Variants in PROKR1 observed in about 807,000 individuals in gnomAD.
PROKR1 encodes prokineticin receptor 1.
A neutral mutation model predicts 22.8 loss-of-function variants in PROKR1; 21 were observed. The ratio of observed to expected loss-of-function variants is 0.92; its 90% confidence interval spans 0.65 to 1.32. The LOEUF is 1.32. PROKR1 is among the 40% of genes most tolerant of loss of function. The pLI is 0.00. For synonymous variants in PROKR1, 193 were observed against 207.5 expected, an observed-to-expected ratio of 0.93 and a Z score of 0.60; for missense variants, 548 against 514.2, an observed-to-expected ratio of 1.07 and a Z score of -0.64.
At chr2:68,653,773 T>C (rs1673385677) in intron 2 of PROKR1, among the ~76,000 whole-genome samples, 1 of 152,058 alleles carries the variant, frequency 6.6e-6, no homozygotes. Context: ...CAATGACTCA[T>C]TTCCCCCCTA....
Position 68,646,229 on chromosome 2 carries a change from G to C in PROKR1, c.408G>C (p.Leu136=), listed in dbSNP as rs1241410090. The C allele has an allele frequency of 6.2e-7, 1 of 1,613,924 alleles. No homozygotes were observed. The highest frequency in any genetic ancestry group is 8.5e-7 in the Non-Finnish European group (1 of 1,179,860). ...RQLSWEHGHV[L]CTSVNYLRTV... is the part of the protein sequence containing the mutation. Reference sequence around the variant, plus strand: ...TCTCCTGGGAGCACGGCCACGTCCTGTGCACCTCTGTCAACTACCTGCGCA... The same window carrying C: ...TCTCCTGGGAGCACGGCCACGTCCTCTGCACCTCTGTCAACTACCTGCGCA... Residue 136 remains leucine, a synonymous_variant, in exon 2 of 3, where the codon CTG becomes CTC. Coordinates refer to ENST00000303786, the MANE Select transcript of PROKR1 (RefSeq NM_138964.4).
rs1414509063 is a variant in PROKR1, at chr2:68,655,114, A to C, written c.720A>C (p.Glu240Asp). 2.5e-6 allele frequency: 4 copies of C among 1,614,006 alleles called. No homozygotes were observed. In the African/African-American group the frequency reaches 5.3e-5, roughly 22 times the overall value. The change falls in exon 3 of 3, where the codon GAA (glutamate) becomes GAC (aspartate). Residue 240 changes from glutamate (E) to aspartate (D), a missense_variant. Transcript: ENST00000303786. Reference sequence around the variant, plus strand: ...ACTTCCTCTTTATCTTTGGCATAGAATTCGTGGGCCCCGTGGTCACCATGA... The same window carrying C: ...ACTTCCTCTTTATCTTTGGCATAGACTTCGTGGGCCCCGTGGTCACCATGA... ...KSYFLFIFGI[E>D]FVGPVVTMTL...
chr2:68,650,585 T>C (rs1445553243), intron 2 of PROKR1, among the ~76,000 whole-genome samples: 2 of 152,034 alleles, frequency 1.3e-5, no homozygotes, highest in Non-Finnish European at 2.9e-5. Context: ...GAGGGTGAAG[T>C]TGCACCAAAA....
intron 2 of PROKR1, among the ~76,000 whole-genome samples, chr2:68,652,478 G>A (rs930306223): frequency 2.6e-5 from 4 of 152,258 alleles, no homozygotes; most frequent in Admixed American, 6.5e-5. Flanking sequence ...TGGAGTTGGG[G>A]TGATGTCAGA....
At position 68,645,943 on chromosome 2, in the gene PROKR1, A is replaced by G. The variant is rs766116478; in HGVS notation, c.122A>G (p.Asp41Gly). The G allele has an allele frequency of 2.6e-5, 42 of 1,614,116 alleles. No individual in the cohort carries two copies. The highest frequency in any genetic ancestry group is 3.4e-5 in the Non-Finnish European group (40 of 1,180,050). Reference protein sequence around the residue: ...TSFPFNFSYSDYDMPLDEDED... With the variant: ...TSFPFNFSYSGYDMPLDEDED... ...TTCCCATTCAACTTCAGCTACAGCG[A>G]CTATGATATGCCTTTGGATGAAGAT... is the stretch of plus-strand genomic sequence containing the variant. The change falls in exon 2 of 3, where the codon GAC becomes GGC. Residue 41 changes from aspartate (D) to glycine (G), a missense_variant. Transcript: ENST00000303786.
At chr2:68,654,392 G>A (rs1452354374) in intron 2 of PROKR1, among the ~76,000 whole-genome samples, 1 of 152,224 alleles carries the variant, frequency 6.6e-6, no homozygotes, top group Non-Finnish European at 1.5e-5. Flanking sequence ...TACTTGTGCA[G>A]ATAAGGAAAC....
rs1327253152 is a variant in PROKR1 at position 68,643,749 on chromosome 2, G to T, written c.-260G>T. 3.9e-5 allele frequency: 6 copies of T among 152,428 alleles called. No homozygotes were observed. Among genetic ancestry groups the T allele is most frequent in the Admixed American group, 1.3e-4 (2 of 15,312 alleles). 9.4% of individuals were successfully genotyped at this position (152,428 alleles called of 1,614,324 possible). ...CCGAGCAGAGGAGGAAGGGAGCGGGGACCTGCCCTTCGCCTGCCGGCTTCT... is the reference window on the plus strand; with the variant it reads ...CCGAGCAGAGGAGGAAGGGAGCGGGTACCTGCCCTTCGCCTGCCGGCTTCT... On this transcript the variant is annotated 5_prime_UTR_variant, in exon 1 of 3. Coordinates refer to ENST00000303786, the MANE Select transcript of PROKR1 (RefSeq NM_138964.4).
At chr2:68,647,833 G>A (rs917666642) in intron 2 of PROKR1, among the ~76,000 whole-genome samples, 29 of 151,890 alleles carry the variant, frequency 1.9e-4, no homozygotes, top group Non-Finnish European at 4.4e-5. Flanking sequence ...TTTACCTGGA[G>A]GCCAAATTCC....
At position 68,655,481 on chromosome 2, in the gene PROKR1, G is replaced by C. The variant is rs536439415; in HGVS notation, c.1087G>C (p.Ala363Pro). Residue 363 changes from alanine (A) to proline (P), a missense_variant, in exon 3 of 3, where the codon GCT (alanine) becomes CCT (proline). Ala to Pro is a conservative substitution (Grantham distance 27). Coordinates refer to ENST00000303786, the MANE Select transcript of PROKR1 (RefSeq NM_138964.4). The part of the protein sequence containing the change: ...FKKIMLLHWK[A>P]SYNGGKSSAD... ...AAAGATCATGTTGCTCCACTGGAAG[G>C]CTTCTTACAATGGCGGTAAGTCCAG... is the stretch of plus-strand genomic sequence containing the variant. 3 of 1,614,170 alleles carry C rather than the reference G, an allele frequency of 1.9e-6. No individual in the cohort carries two copies. Among genetic ancestry groups the C allele is most frequent in the African/African-American group, 1.3e-5 (1 of 75,068 alleles).
intron 2 of PROKR1, among the ~76,000 whole-genome samples, chr2:68,647,219 A>G (rs7608047): frequency 0.078 from 11,894 of 152,222 alleles, 1,339 homozygotes; most frequent in African/African-American, 0.25. Flanking sequence ...TAAAATCAGT[A>G]AGAGCAGCCT....
At chr2:68,646,766 G>T (rs373205409) in intron 2 of PROKR1, among the ~76,000 whole-genome samples, 5 of 152,290 alleles carry the variant, frequency 3.3e-5, no homozygotes, top group African/African-American at 1.2e-4. Flanking sequence ...ATTTATGACT[G>T]GCTGTGGTAA....
Position 68,655,404 on chromosome 2 carries a change from T to G in PROKR1, c.1010T>G (p.Ile337Ser), listed in dbSNP as rs1310297243. 2 of 1,614,184 alleles carry G rather than the reference T, an allele frequency of 1.2e-6. No individual in the cohort carries two copies. Among genetic ancestry groups the G allele is most frequent in the South Asian group, 1.1e-5 (1 of 91,082 alleles). ...VECIAMSNSM[I>S]NTLCFVTVKN... ...TGCATCGCCATGAGCAACAGCATGA[T>G]CAACACTCTGTGCTTCGTGACCGTC... Residue 337 changes from isoleucine to serine, a missense_variant, in exon 3 of 3, where the codon ATC (isoleucine) becomes AGC (serine). Transcript: ENST00000303786.
intron 2 of PROKR1, among the ~76,000 whole-genome samples, chr2:68,647,252 G>C (rs1673206085): frequency 6.6e-6 from 1 of 152,180 alleles, no homozygotes; most frequent in African/African-American, 2.4e-5. Flanking sequence ...CTTCAACTTA[G>C]TCTCTTCCTT....
At position 68,655,525 on chromosome 2, in the gene PROKR1, G is replaced by A. The variant is rs1444399905; in HGVS notation, c.1131G>A (p.Lys377=). ...AGTCCAGTGCAGACCTGGACCTCAA[G>A]ACAATTGGGATGCCTGCCACCGAAG... ...GGKSSADLDL[K]TIGMPATEEV... Residue 377 remains lysine (K), a synonymous_variant, in exon 3 of 3, where the codon AAG becomes AAA. Coordinates refer to ENST00000303786, the MANE Select transcript of PROKR1 (RefSeq NM_138964.4). The A allele has an allele frequency of 6.8e-6, 11 of 1,614,078 alleles. No individual in the cohort carries two copies. Among genetic ancestry groups the A allele is most frequent in the African/African-American group, 2.7e-5 (2 of 74,942 alleles).
intron 1 of PROKR1, among the ~76,000 whole-genome samples, chr2:68,645,047 G>T (rs938321244): frequency 1.3e-5 from 2 of 152,184 alleles, no homozygotes; most frequent in African/African-American, 4.8e-5. Context: ...GAGTGTTTAA[G>T]CTATTTACCC....
Position 68,655,017 on chromosome 2 carries a change from T to C in PROKR1, c.623T>C (p.Ile208Thr). ...TTCACCACCGAGACGGTCCTCGTCA[T>C]TGTCAAGAGCCAGGAAAAGATCTTC... The part of the protein sequence containing the change: ...AYFTTETVLV[I>T]VKSQEKIFCG... The change falls in exon 3 of 3, where the codon ATT (isoleucine) becomes ACT (threonine). Residue 208 changes from isoleucine (I) to threonine (T), a missense_variant. Ile to Thr is a moderately conservative substitution (Grantham distance 89). Coordinates refer to ENST00000303786, the MANE Select transcript of PROKR1 (RefSeq NM_138964.4). 1 of 1,613,820 alleles carries C rather than the reference T, an allele frequency of 6.2e-7. No homozygotes were observed. The highest frequency in any genetic ancestry group is 8.5e-7 in the Non-Finnish European group (1 of 1,179,976).
chr2:68,654,741 T>G, intron 2 of PROKR1, 139 bp from the exon 3 acceptor site: 2 of 794,144 alleles, frequency 2.5e-6, no homozygotes, highest in Non-Finnish European at 4.1e-6. Flanking sequence ...GAGGCTGCAG[T>G]GAGCTATGAT....
chr2:68,649,926 ATCT>A (rs1487214574), intron 2 of PROKR1, among the ~76,000 whole-genome samples: 2 of 152,026 alleles, frequency 1.3e-5, no homozygotes, highest in African/African-American at 4.8e-5. Flanking sequence ...AGCCAAATTA[ATCT>A]TCTGTCTTGT....
At chr2:68,645,049 T>C (rs1292991038) in intron 1 of PROKR1, among the ~76,000 whole-genome samples, 1 of 152,174 alleles carries the variant, frequency 6.6e-6, no homozygotes, top group Non-Finnish European at 1.5e-5. Context: ...GTGTTTAAGC[T>C]ATTTACCCCT....
Sources: gnomAD v4.1 joint callset for allele counts (sites outside exome capture counted in the v4.1 genomes callset) on GRCh38, gnomAD v4.1.1 for gene constraint, MANE v1.5 for transcripts, NCBI Gene and HGNC (gene_info 2026-07-23, HGNC 2026-07-21) for gene names.